FGFR2: variants seen among roughly 807,000 people sequenced by gnomAD.
The protein encoded by FGFR2 is BEK fibroblast growth factor receptor.
In FGFR2, 19 loss-of-function variants were observed where a neutral mutation model predicts 95.9. The ratio of observed to expected loss-of-function variants is 0.20; its 90% CI spans 0.14 to 0.29. The LOEUF is 0.29. Among genes scored for constraint, FGFR2 ranks in the 10% least tolerant of loss-of-function variants. FGFR2 has a pLI of 1.00. For missense variants in FGFR2, 707 were observed against 1,056.9 expected, an observed-to-expected ratio of 0.67 and a Z score of 4.59; for synonymous variants, 392 against 393.3, an observed-to-expected ratio of 1.00 and a Z score of 0.04.
intron 9 of FGFR2, among the ~76,000 whole-genome samples, chr10:121,508,003 T>C (rs1280310906): frequency 6.6e-6 from 1 of 152,238 alleles, no homozygotes; most frequent in African/African-American, 2.4e-5. Context: ...ACATAGCATT[T>C]ACAACGCGTT....
chr10:121,571,670 G>A (rs571146752), intron 2 of FGFR2, among the ~76,000 whole-genome samples: 10 of 151,904 alleles, frequency 6.6e-5, no homozygotes, highest in African/African-American at 1.4e-4. Flanking sequence ...CTGGCCGGGC[G>A]CGGTGGCTCG....
chr10:121,574,327 G>A (rs1027486106), intron 2 of FGFR2, among the ~76,000 whole-genome samples: 26 of 151,974 alleles, frequency 1.7e-4, no homozygotes, highest in Middle Eastern at 3.2e-3. Context: ...TCAGGAGTTC[G>A]AGACCGGCCT....
At chr10:121,510,902 A>G (rs1476987253) in intron 9 of FGFR2, among the ~76,000 whole-genome samples, 1 of 151,900 alleles carries the variant, frequency 6.6e-6, no homozygotes, top group African/African-American at 2.4e-5. Context: ...CCTGGGTTCT[A>G]GTGATTCTCC....
At position 121,546,369 on chromosome 10, in the gene FGFR2, AGACT is replaced by A. The variant is rs574705754; in HGVS notation, c.624+4917_624+4920del. On this transcript the variant is annotated intron_variant, in intron 5 of 17. Transcript: ENST00000358487. ...AGCTGAAAAAACTTGCCCATGGTCA[AGACT>A]GACGCAAAAGCCCAGGAATAAGTAT... Among the ~76,000 whole-genome samples, 75 of 152,320 alleles carry A rather than the reference AGACT, an allele frequency of 4.9e-4. 1 individual carries two copies. Among genetic ancestry groups the A allele is most frequent in the African/African-American group, 1.6e-3 (68 of 41,580 alleles).
chr10:121,582,672 A>T (rs1290265337), intron 2 of FGFR2, among the ~76,000 whole-genome samples: 3 of 151,876 alleles, frequency 2.0e-5, no homozygotes, highest in African/African-American at 7.3e-5. Flanking sequence ...AATCCCAGCT[A>T]CTCTAGACGC....
intron 10 of FGFR2, 97 bp downstream of exon 10, chr10:121,503,693 C>T (rs1589779457): frequency 2.9e-6 from 4 of 1,365,948 alleles, no homozygotes; most frequent in African/African-American, 1.4e-5. Context: ...CACACCAAGA[C>T]CTTTGTGGCT....
chr10:121,506,848 T>C (rs1194132132), intron 9 of FGFR2, among the ~76,000 whole-genome samples: 1 of 152,220 alleles, frequency 6.6e-6, no homozygotes, highest in African/African-American at 2.4e-5. Context: ...TTGGATTTTA[T>C]GACCATGTGT....
At chr10:121,590,603 C>T (rs997367172) in intron 2 of FGFR2, among the ~76,000 whole-genome samples, 1 of 151,892 alleles carries the variant, frequency 6.6e-6, no homozygotes, top group Non-Finnish European at 1.5e-5. Context: ...TTGAGTGGGC[C>T]CAACCCCACT....
intron 4 of FGFR2, among the ~76,000 whole-genome samples, chr10:121,563,625 A>G (rs1857270327): frequency 6.6e-6 from 1 of 152,198 alleles, no homozygotes. Flanking sequence ...TCTGAGCACT[A>G]TACAACTAGG....
intron 9 of FGFR2, among the ~76,000 whole-genome samples, chr10:121,507,561 C>A (rs1332542610): frequency 6.6e-6 from 1 of 152,018 alleles, no homozygotes; most frequent in Non-Finnish European, 1.5e-5. Flanking sequence ...GCACTGCAGT[C>A]TGGGCGACAG....
In FGFR2 at chr10:121,551,551, T is replaced by C. The variant is rs140944904; in HGVS notation, c.455-92A>G. On this transcript the variant is annotated intron_variant, in intron 4 of 17. Transcript: ENST00000358487. The stretch of plus-strand genomic sequence containing the variant: ...ACAGGTAAGATCATTTCGCTTTGCA[T>C]GTAAATGCTAGGCTATTTTTTAAAT... 134 of 1,169,154 alleles carry C rather than the reference T, an allele frequency of 1.1e-4. No homozygotes were observed. The African/African-American group carries it at 1.6e-3, about 14-fold the overall frequency. The allele number at this position is 1,169,154 out of a possible 1,614,324, so 72.4% of individuals were successfully genotyped here.
intron 5 of FGFR2, among the ~76,000 whole-genome samples, chr10:121,550,982 A>G (rs1855308479): frequency 6.6e-6 from 1 of 152,176 alleles, no homozygotes; most frequent in Non-Finnish European, 1.5e-5. Context: ...ACACTTTGGG[A>G]GGCCGAGGCA....
At position 121,496,603 on chromosome 10, in the gene FGFR2, T is replaced by C. The variant is rs1201947648; in HGVS notation, c.1792A>G (p.Met598Val). The change falls in exon 13 of 18, where the codon ATG (methionine) becomes GTG (valine). Residue 598 changes from methionine to valine, a missense_variant. Transcript: ENST00000358487. The stretch of plus-strand genomic sequence containing the variant: ...CATGACACCAAGTCCTTGAAGGTCA[T>C]CTGCTCCTCAGGAACACGGTTAATG... Reference protein sequence around the residue: ...YDINRVPEEQMTFKDLVSCTY... With the variant: ...YDINRVPEEQVTFKDLVSCTY... 3 of 1,613,662 alleles carry C rather than the reference T, an allele frequency of 1.9e-6. No homozygotes were observed. Among genetic ancestry groups the C allele is most frequent in the South Asian group, 1.1e-5 (1 of 91,046 alleles).
chr10:121,555,817 TTTTAC>T (rs1449283975), intron 4 of FGFR2, among the ~76,000 whole-genome samples: 1 of 152,198 alleles, frequency 6.6e-6, no homozygotes, highest in Non-Finnish European at 1.5e-5. Context: ...TTAAGTAGAA[TTTTAC>T]TTTAAGACAA....
At chr10:121,538,776 T>C in intron 5 of FGFR2, 61 bp from the exon 6 acceptor site, 1 of 1,609,666 alleles carries the variant, frequency 6.2e-7, no homozygotes, top group Non-Finnish European at 8.5e-7. Context: ...CCAAGTACTG[T>C]GCTTTCTTGA....
intron 4 of FGFR2, among the ~76,000 whole-genome samples, chr10:121,557,836 G>T (rs1456499181): frequency 6.6e-6 from 1 of 152,172 alleles, no homozygotes; most frequent in African/African-American, 2.4e-5. Context: ...TCAATGAAAT[G>T]AGTTTGGAAT....
At position 121,577,914 on chromosome 10, in the gene FGFR2, A is replaced by G. The variant is rs908245536; in HGVS notation, c.110-12210T>C. On this transcript the variant is annotated intron_variant, in intron 2 of 17. Transcript: ENST00000358487. ...CACGATGAAGGGAGTCACACCACTG[A>G]ACTGCCGCCCAAGCTCCAAGTCGGC... 2.0e-5 allele frequency among the ~76,000 whole-genome samples: 3 copies of G among 152,076 alleles called. No homozygotes were observed. In the East Asian group the frequency reaches 5.8e-4, roughly 29 times the overall value.
intron 4 of FGFR2, among the ~76,000 whole-genome samples, chr10:121,556,350 C>G (rs1856130184): frequency 6.6e-6 from 1 of 150,822 alleles, no homozygotes; most frequent in Non-Finnish European, 1.5e-5. Context: ...CTGCCCCCAC[C>G]AAAACCCTTG....
Position 121,478,714 on chromosome 10 carries a change from A to G in FGFR2, c.*1143T>C, listed in dbSNP as rs1268624750. 8.6e-6 allele frequency: 2 copies of G among 233,488 alleles called. No homozygotes were observed. Among genetic ancestry groups the G allele is most frequent in the Non-Finnish European group, 1.7e-5 (2 of 118,020 alleles). 14.5% of individuals were successfully genotyped at this position (233,488 alleles called of 1,614,324 possible). A position where few individuals can be genotyped will look rare whatever the true frequency, so the allele number is the denominator to read the frequency against. On this transcript the variant is annotated 3_prime_UTR_variant, in exon 18 of 18. Transcript: ENST00000358487. ...TATGATGGGACTTGAAGATCCTAAC[A>G]GGCGTCTCCAACGCCAAAGAGTCTG... is the stretch of plus-strand genomic sequence containing the variant.
Sources: gnomAD v4.1 joint callset for allele counts (sites outside exome capture counted in the v4.1 genomes callset) on GRCh38, gnomAD v4.1.1 for gene constraint, MANE v1.5 for transcripts, NCBI Gene and HGNC (gene_info 2026-07-23, HGNC 2026-07-21) for gene names.